The following SULF2 variants were observed in gnomAD, a reference collection of about 807,000 sequenced individuals.
SULF2 encodes sulfatase 2, also known as extracellular sulfatase Sulf-2.
SULF2 carries 52 observed loss-of-function variants against 107.7 expected under a neutral mutation model. The ratio of observed to expected loss-of-function variants is 0.48; its 90% CI spans 0.39 to 0.61. The LOEUF is 0.61. Among genes scored for constraint, SULF2 ranks in the 20% least tolerant of loss-of-function variants. The probability of loss-of-function intolerance (pLI) is 0.00; values close to 1 mark genes in which losing one functional copy is unlikely to be tolerated. For synonymous variants in SULF2, 460 were observed against 464.3 expected, an observed-to-expected ratio of 0.99 and a Z score of 0.12; for missense variants, 993 against 1,177.3, an observed-to-expected ratio of 0.84 and a Z score of 2.29.
At chr20:47,677,473 T>A (rs1318251244) in intron 8 of SULF2, among the ~76,000 whole-genome samples, 1 of 150,482 alleles carries the variant, frequency 6.6e-6, no homozygotes, top group Non-Finnish European at 1.5e-5. Context: ...GCCCAGCAAC[T>A]CCCCCGGCAC....
At chr20:47,777,961 T>C (rs2090753696) in intron 1 of SULF2, among the ~76,000 whole-genome samples, 1 of 145,520 alleles carries the variant, frequency 6.9e-6, no homozygotes, top group Admixed American at 6.9e-5. Context: ...CATAGCAAGA[T>C]CTCATCTCTA....
In SULF2 at chr20:47,666,094, GT is replaced by G. The variant is rs2087257689; in HGVS notation, c.1806-142del. The G allele has an allele frequency of 6.2e-7, 1 of 1,610,518 alleles. No homozygotes were observed. Among genetic ancestry groups the G allele is most frequent in the African/African-American group, 1.3e-5 (1 of 74,698 alleles). On this transcript the variant is annotated intron_variant, in intron 12 of 20. Transcript: ENST00000688720. This position sits in a 1 kb window ranked among gnomAD's most constrained non-coding sequence, Gnocchi z 5.4. ...CTTCCACCTGGACACTCACCGATGT[GT>G]CACTTTAATGGGGTTGGCGGCTGAA...
At chr20:47,770,098 T>TC (rs1272293130) in intron 1 of SULF2, among the ~76,000 whole-genome samples, 1 of 138,348 alleles carries the variant, frequency 7.2e-6, no homozygotes, top group Non-Finnish European at 1.5e-5. Context: ...TCCTGCTCTG[T>TC]CGCCCAGGCT....
intron 3 of SULF2, among the ~76,000 whole-genome samples, chr20:47,707,814 C>T (rs1446115497): frequency 2.0e-5 from 3 of 152,174 alleles, no homozygotes; most frequent in African/African-American, 7.2e-5. Flanking sequence ...TTATTACCTG[C>T]GTTTTTGTTA....
chr20:47,780,166 G>A (rs1187103569), intron 1 of SULF2, among the ~76,000 whole-genome samples: 3 of 151,708 alleles, frequency 2.0e-5, no homozygotes, highest in Admixed American at 6.6e-5. Context: ...ACAGGCACGT[G>A]CCACCACACC....
intron 5 of SULF2, among the ~76,000 whole-genome samples, chr20:47,687,604 T>G (rs936371085): frequency 6.6e-6 from 1 of 152,114 alleles, no homozygotes; most frequent in Non-Finnish European, 1.5e-5. Flanking sequence ...GCTGTGTCTG[T>G]GGGCACGCCT....
intron 1 of SULF2, among the ~76,000 whole-genome samples, chr20:47,775,091 T>C (rs2090701174): frequency 6.6e-6 from 1 of 152,136 alleles, no homozygotes. Flanking sequence ...TTTGGTGGAC[T>C]CCAAAAAGCC....
At chr20:47,693,592 G>T (rs750119989) in intron 4 of SULF2, among the ~76,000 whole-genome samples, 1 of 152,214 alleles carries the variant, frequency 6.6e-6, no homozygotes, top group Non-Finnish European at 1.5e-5. Context: ...ATGTTATATC[G>T]GGTGAGAAAA....
intron 4 of SULF2, among the ~76,000 whole-genome samples, chr20:47,695,804 G>A (rs889870961): frequency 6.6e-6 from 1 of 152,128 alleles, no homozygotes; most frequent in Non-Finnish European, 1.5e-5. Context: ...GTAGAGATGG[G>A]GTTTCCCCAT....
intron 10 of SULF2, among the ~76,000 whole-genome samples, chr20:47,674,590 G>A (rs560972333): frequency 1.4e-3 from 208 of 152,332 alleles, no homozygotes; most frequent in African/African-American, 4.4e-3. Flanking sequence ...AATTCTAGCC[G>A]GGCCCTGCCC....
intron 3 of SULF2, among the ~76,000 whole-genome samples, chr20:47,712,080 T>C (rs933700962): frequency 1.3e-5 from 2 of 152,070 alleles, no homozygotes; most frequent in Non-Finnish European, 2.9e-5. Flanking sequence ...GGATATAAAA[T>C]CCCAAAAAAG....
At chr20:47,746,994 A>AATATAT (rs57147246) in intron 2 of SULF2, among the ~76,000 whole-genome samples, 136 of 131,898 alleles carry the variant, frequency 1.0e-3, no homozygotes, top group South Asian at 1.6e-3. Context: ...AAAAAAAAAA[A>AATATAT]ATATATATAT....
intron 3 of SULF2, among the ~76,000 whole-genome samples, chr20:47,703,176 C>T (rs956886472): frequency 1.1e-4 from 17 of 152,174 alleles, no homozygotes; most frequent in Admixed American, 7.2e-4. Flanking sequence ...GGATTACAGG[C>T]GTGAGCCACC....
chr20:47,776,285 C>T (rs181353982), intron 1 of SULF2, among the ~76,000 whole-genome samples: 1 of 152,336 alleles, frequency 6.6e-6, no homozygotes, highest in East Asian at 1.9e-4. Flanking sequence ...TCAAACAAAA[C>T]ATTTCTGCGA....
chr20:47,765,784 GCA>G (rs777257070), intron 1 of SULF2, among the ~76,000 whole-genome samples: 2 of 152,152 alleles, frequency 1.3e-5, no homozygotes, highest in Non-Finnish European at 2.9e-5. Context: ...ATGGCTATTT[GCA>G]CACAGACATT....
intron 5 of SULF2, among the ~76,000 whole-genome samples, chr20:47,689,204 T>C (rs1313775115): frequency 6.6e-6 from 1 of 152,174 alleles, no homozygotes; most frequent in Non-Finnish European, 1.5e-5. Flanking sequence ...ACAGGCAGCC[T>C]CCAAGATGGC....
intron 3 of SULF2, among the ~76,000 whole-genome samples, chr20:47,734,355 G>C (rs2146774080): frequency 6.6e-6 from 1 of 152,266 alleles, no homozygotes; most frequent in South Asian, 2.1e-4. Context: ...TTTGGTCCTT[G>C]GGGGATTAAA....
rs1426386101 is a variant in SULF2 at position 47,715,937 on chromosome 20, G to A, written c.416-13267C>T. ...CACACCCTCTGTGAGTGGAGGAGTG[G>A]GTAGAATTGTTAAATTCTTGTCTTC... On this transcript the variant is annotated intron_variant, in intron 3 of 20. Coordinates refer to ENST00000688720, the MANE Select transcript of SULF2 (RefSeq NM_001387048.1). Among the ~76,000 whole-genome samples, 3 of 152,160 alleles carry A rather than the reference G, an allele frequency of 2.0e-5. No individual in the cohort carries two copies. The East Asian group carries it at 5.8e-4, about 29-fold the overall frequency.
intron 1 of SULF2, among the ~76,000 whole-genome samples, chr20:47,770,451 C>T (rs1204850993): frequency 6.6e-6 from 1 of 152,066 alleles, no homozygotes; most frequent in East Asian, 1.9e-4. Context: ...ACTGAGATGA[C>T]TAGGTGGGAG....
Sources: gnomAD v4.1 joint callset for allele counts (sites outside exome capture counted in the v4.1 genomes callset) on GRCh38, gnomAD v4.1.1 for gene constraint, Gnocchi (gnomAD v3.1) non-coding constraint, MANE v1.5 for transcripts, NCBI Gene and HGNC (gene_info 2026-07-23, HGNC 2026-07-21) for gene names.